Variants in PLCH2 observed in about 807,000 individuals in gnomAD.
The protein encoded by PLCH2 is 1-phosphatidylinositol 4,5-bisphosphate phosphodiesterase eta-2.
PLCH2 carries 98 observed loss-of-function variants against 134.7 expected under a neutral mutation model. The observed-to-expected ratio is 0.73, with a 90% CI of 0.62 to 0.86. The LOEUF (loss-of-function observed/expected upper bound fraction) is 0.86, where lower values mean the gene tolerates loss of function less well. Among genes scored for constraint, PLCH2 ranks in the 40% least tolerant of loss-of-function variants. The pLI, the probability that PLCH2 is intolerant of heterozygous loss-of-function variation, is 0.00. For synonymous variants in PLCH2, 974 were observed against 827.5 expected (o/e 1.18, Z -3.04); for missense variants, 1,994 against 1,986.6 (o/e 1.00, Z -0.07).
At chr1:2,478,727 T>A in intron 2 of PLCH2, 105 bp downstream of exon 2, 2 of 1,175,222 alleles carry the variant, frequency 1.7e-6, no homozygotes, top group Non-Finnish European at 2.4e-6. Flanking sequence ...AGCGAGACCC[T>A]AGGCCTGGAC....
At chr1:2,486,798 C>A in intron 5 of PLCH2, 109 bp from the exon 6 acceptor site, 1 of 845,906 alleles carries the variant, frequency 1.2e-6, no homozygotes, top group Non-Finnish European at 1.9e-6. Context: ...CCATGGTCAT[C>A]CCTGGTGTAA....
intron 2 of PLCH2, among the ~76,000 whole-genome samples, chr1:2,435,057 T>G (rs1375062994): frequency 6.6e-6 from 1 of 152,068 alleles, no homozygotes; most frequent in Non-Finnish European, 1.5e-5. Flanking sequence ...GCGCAGGGAC[T>G]TGGCTTTGTC....
intron 2 of PLCH2, among the ~76,000 whole-genome samples, chr1:2,451,032 G>A (rs1640199161): frequency 6.6e-6 from 1 of 152,012 alleles, no homozygotes; most frequent in East Asian, 2.0e-4. Flanking sequence ...CACAGCCCTG[G>A]CCCTGGCCCT....
chr1:2,422,600 C>T (rs1178419770), upstream of PLCH2, among the ~76,000 whole-genome samples: 5 of 152,206 alleles, frequency 3.3e-5, no homozygotes, highest in Non-Finnish European at 5.9e-5. Context: ...TGAAACCGTG[C>T]CAATGGACTT....
rs1032794166 is a variant in PLCH2, at chr1:2,435,323, C to T, written c.115+4694C>T. Among the ~76,000 whole-genome samples, 8 of 152,164 alleles carry T rather than the reference C, an allele frequency of 5.3e-5. No homozygotes were observed. In the East Asian group the frequency reaches 7.7e-4, roughly 15 times the overall value. On this transcript the variant is annotated intron_variant, in intron 2 of 3. Coordinates refer to the PLCH2 transcript ENST00000609981. ...CTCTTGCAGGGAGGGCACCTGGGCTCGGGGTGTTTCCTCAGAGAGGATAGG... is the reference window on the plus strand; with the variant it reads ...CTCTTGCAGGGAGGGCACCTGGGCTTGGGGTGTTTCCTCAGAGAGGATAGG...
intron 2 of PLCH2, among the ~76,000 whole-genome samples, chr1:2,458,876 C>G (rs1399517206): frequency 6.6e-6 from 1 of 152,270 alleles, no homozygotes; most frequent in Non-Finnish European, 1.5e-5. Flanking sequence ...GTGACTACAT[C>G]TGGGGATGTC....
At chr1:2,422,458 G>A (rs1031689912), upstream of PLCH2, among the ~76,000 whole-genome samples, 19 of 152,222 alleles carry the variant, frequency 1.2e-4, no homozygotes, top group African/African-American at 3.9e-4. Flanking sequence ...TGTTTTGGTT[G>A]AAATCAGTGA....
At chr1:2,478,660 C>T (rs1641779626) in intron 2 of PLCH2, 38 bp downstream of exon 2, 1 of 1,573,526 alleles carries the variant, frequency 6.4e-7, no homozygotes, top group Admixed American at 1.8e-5. Context: ...AATCAGAGTC[C>T]CTGGGGGGAC....
At chr1:2,425,375 G>T (rs1638742677), upstream of PLCH2, among the ~76,000 whole-genome samples, 1 of 152,130 alleles carries the variant, frequency 6.6e-6, no homozygotes, top group African/African-American at 2.4e-5. Context: ...TCCACTGATG[G>T]ACACTCAGGC....
chr1:2,432,486 T>A (rs926463667), intron 2 of PLCH2, among the ~76,000 whole-genome samples: 7 of 152,182 alleles, frequency 4.6e-5, no homozygotes. Flanking sequence ...GTAACGGGCT[T>A]TCATTTAGAG....
At chr1:2,484,283 G>A (rs1642174524) in intron 4 of PLCH2, among the ~76,000 whole-genome samples, 165 bp from the exon 5 acceptor site, 1 of 152,124 alleles carries the variant, frequency 6.6e-6, no homozygotes, top group South Asian at 2.1e-4. Context: ...TGGTGGGTGG[G>A]CCCGTGCCCT....
At chr1:2,482,159 G>A (rs1642005384) in intron 4 of PLCH2, among the ~76,000 whole-genome samples, 1 of 152,252 alleles carries the variant, frequency 6.6e-6, no homozygotes, top group Non-Finnish European at 1.5e-5. Context: ...TGTCAGGGGT[G>A]TTCTAGGGTG....
At chr1:2,491,099 G>T (rs1642552008) in intron 10 of PLCH2, 93 bp from the exon 11 acceptor site, 1 of 1,255,768 alleles carries the variant, frequency 8.0e-7, no homozygotes, top group South Asian at 1.5e-5. Flanking sequence ...CTGAGCCTGG[G>T]GTGGGCAGAG....
At position 2,504,210 on chromosome 1, in the gene PLCH2, G is replaced by A. The variant is rs780916707; in HGVS notation, c.3248G>A (p.Arg1083Gln). 5 of 1,558,414 alleles carry A rather than the reference G, an allele frequency of 3.2e-6. No individual in the cohort carries two copies. The highest frequency in any genetic ancestry group is 1.9e-5 in the Admixed American group (1 of 51,526). Residue 1083 changes from arginine to glutamine, a missense_variant, in exon 22 of 22, where the codon CGG (arginine) becomes CAG (glutamine). Coordinates refer to ENST00000378486, the MANE Select transcript of PLCH2 (RefSeq NM_014638.4). ...CAGACGGACGGCAGGAGCCAGCCCC[G>A]GACCCTGGGCCACCTGCCCGTGATT... ...GSQTDGRSQP[R>Q]TLGHLPVIRR...
upstream of PLCH2, among the ~76,000 whole-genome samples, chr1:2,466,814 G>T (rs981720751): frequency 2.0e-5 from 3 of 152,170 alleles, no homozygotes; most frequent in Admixed American, 2.0e-4. Flanking sequence ...GGACCCCAGC[G>T]CGGGCAGCTC....
In PLCH2 at chr1:2,494,184, G is replaced by C. The variant is rs573404657; in HGVS notation, c.1660-672G>C. On this transcript the variant is annotated intron_variant, in intron 11 of 21. Coordinates refer to ENST00000378486, the MANE Select transcript of PLCH2 (RefSeq NM_014638.4). The stretch of plus-strand genomic sequence containing the variant: ...GGTGTCTGTGGGAGGGGCTGCAGGG[G>C]TCAGGTGGTGGCACAGGCTCTGCTG... Among the ~76,000 whole-genome samples, 3 of 152,326 alleles carry C rather than the reference G, an allele frequency of 2.0e-5. No individual in the cohort carries two copies. In the East Asian group the frequency reaches 5.8e-4, roughly 29 times the overall value.
intron 2 of PLCH2, among the ~76,000 whole-genome samples, chr1:2,458,405 T>A (rs1640603916): frequency 6.6e-6 from 1 of 152,250 alleles, no homozygotes; most frequent in South Asian, 2.1e-4. Flanking sequence ...CCGGGACCCA[T>A]GACACAGGAA....
chr1:2,463,145 G>C (rs1200593739), upstream of PLCH2, among the ~76,000 whole-genome samples: 3 of 152,198 alleles, frequency 2.0e-5, no homozygotes, highest in Admixed American at 2.0e-4. Context: ...TGTGCACGAT[G>C]AGGAGGCTGG....
chr1:2,497,013 G>A lies in PLCH2; in HGVS notation c.2116+3G>A. On this transcript the variant is annotated splice_donor_region_variant and intron_variant, in intron 15 of 21. Transcript: ENST00000378486. ...CTGGAACGCCGGCTGCCAAATGGGT[G>A]GGTGCGGGCATGGTGCGCTGGGTGT... 1.2e-6 allele frequency: 2 copies of A among 1,612,044 alleles called. No individual in the cohort carries two copies. Among genetic ancestry groups the A allele is most frequent in the East Asian group, 4.5e-5 (2 of 44,828 alleles).
Sources: allele counts gnomAD v4.1 joint callset (sites outside exome capture counted in the v4.1 genomes callset), GRCh38; gene constraint gnomAD v4.1.1; transcripts MANE v1.5; gene names NCBI Gene and HGNC (gene_info 2026-07-23, HGNC 2026-07-21).